SLC24A2: variants seen among roughly 807,000 people sequenced by gnomAD.
SLC24A2 encodes solute carrier family 24 member 2.
A neutral mutation model predicts 62.0 loss-of-function variants in SLC24A2; 36 were observed. The observed-to-expected ratio is 0.58, with a 90% CI of 0.44 to 0.77. The LOEUF (loss-of-function observed/expected upper bound fraction) is 0.77, where lower values mean the gene tolerates loss of function less well. Ranked by LOEUF, SLC24A2 falls within the 30% of genes least tolerant of loss-of-function variation. SLC24A2 has a pLI of 0.00. For missense variants in SLC24A2, 846 were observed against 817.9 expected, an observed-to-expected ratio of 1.03 and a Z score of -0.42; for synonymous variants, 358 against 294.0, an observed-to-expected ratio of 1.22 and a Z score of -2.23.
At position 19,595,263 on chromosome 9, in the gene SLC24A2, A is replaced by AGCCTT. The variant is rs780992892; in HGVS notation, c.1129+1961_1129+1965dup. On this transcript the variant is annotated intron_variant, in intron 5 of 10. Coordinates refer to ENST00000341998, the MANE Select transcript of SLC24A2 (RefSeq NM_020344.4). The stretch of plus-strand genomic sequence containing the variant: ...AGCTCTCCCACTTATTTATGGAATC[A>AGCCTT]GCCTTGCCTTTTTGCTTTTTCTTTT... Among the ~76,000 whole-genome samples, 426 of 152,352 alleles carry AGCCTT rather than the reference A, an allele frequency of 2.8e-3. 4 individuals carry two copies. The highest frequency in any genetic ancestry group is 4.5e-3 in the Non-Finnish European group (306 of 68,036).
chr9:20,041,136 G>C, the SLC24A2 span, among the ~76,000 whole-genome samples: 1 of 152,254 alleles, frequency 6.6e-6, no homozygotes, highest in African/African-American at 2.4e-5. Flanking sequence ...GAAAGAGAGA[G>C]AGTGCGTGTG....
chr9:20,245,823 T>C, the SLC24A2 span, among the ~76,000 whole-genome samples: 1 of 152,208 alleles, frequency 6.6e-6, no homozygotes, highest in Non-Finnish European at 1.5e-5. Flanking sequence ...TTTTACTGTG[T>C]GCTATTATAT....
chr9:20,138,090 C>G, the SLC24A2 span, among the ~76,000 whole-genome samples: 36 of 152,262 alleles, frequency 2.4e-4, no homozygotes, highest in African/African-American at 8.4e-4. Context: ...CCTATCAGAA[C>G]TTAGAAAACC....
At chr9:19,727,133 G>A (rs75491262) in intron 2 of SLC24A2, among the ~76,000 whole-genome samples, 1 of 152,004 alleles carries the variant, frequency 6.6e-6, no homozygotes, top group African/African-American at 2.4e-5. Flanking sequence ...TGTGTCTGTG[G>A]GCTCTACCAT....
chr9:19,653,559 G>C (rs7865418), intron 2 of SLC24A2, among the ~76,000 whole-genome samples: 105,025 of 152,164 alleles, frequency 0.69, 36,457 homozygotes, highest in South Asian at 0.75. Flanking sequence ...CAGGTGAAAA[G>C]TTGATCTACT....
At chr9:20,130,927 C>A in the SLC24A2 span, among the ~76,000 whole-genome samples, 1 of 151,238 alleles carries the variant, frequency 6.6e-6, no homozygotes, top group Admixed American at 6.6e-5. Context: ...CCAGACCCAG[C>A]CTCAGTAACC....
At chr9:19,725,740 G>A (rs1412618971) in intron 2 of SLC24A2, among the ~76,000 whole-genome samples, 1 of 152,130 alleles carries the variant, frequency 6.6e-6, no homozygotes, top group African/African-American at 2.4e-5. Context: ...GGTGAGAATA[G>A]TTTACATGCT....
chr9:19,872,729 T>C, the SLC24A2 span, among the ~76,000 whole-genome samples: 2 of 152,222 alleles, frequency 1.3e-5, no homozygotes, highest in Admixed American at 1.3e-4. Context: ...CCTTGTTGTA[T>C]ATGGCAGCTC....
chr9:20,051,899 A>C, the SLC24A2 span, among the ~76,000 whole-genome samples: 1 of 151,858 alleles, frequency 6.6e-6, no homozygotes, highest in African/African-American at 2.4e-5. Flanking sequence ...GGGCTGGTTT[A>C]GTCTTACTGA....
chr9:20,299,053 A>C, the SLC24A2 span, among the ~76,000 whole-genome samples: 1 of 152,230 alleles, frequency 6.6e-6, no homozygotes, highest in African/African-American at 2.4e-5. Flanking sequence ...TCCCCAAATA[A>C]AGCAGAGAAG....
chr9:20,277,094 G>T, the SLC24A2 span, among the ~76,000 whole-genome samples: 2 of 152,144 alleles, frequency 1.3e-5, no homozygotes, highest in Admixed American at 6.5e-5. Context: ...CCGCCAGCTT[G>T]AATTTCTCCT....
chr9:20,226,239 G>A, the SLC24A2 span, among the ~76,000 whole-genome samples: 3 of 152,020 alleles, frequency 2.0e-5, no homozygotes, highest in Non-Finnish European at 4.4e-5. Flanking sequence ...ATAAGAAAAG[G>A]CTTCCCATTT....
intron 8 of SLC24A2, among the ~76,000 whole-genome samples, chr9:19,534,164 TG>T (rs914480041): frequency 6.6e-6 from 1 of 152,128 alleles, no homozygotes; most frequent in Non-Finnish European, 1.5e-5. Context: ...TAATCAGCTG[TG>T]GGGGGAAAAC....
chr9:20,007,869 T>C, the SLC24A2 span, among the ~76,000 whole-genome samples: 14 of 143,932 alleles, frequency 9.7e-5, no homozygotes, highest in Non-Finnish European at 1.7e-4. Flanking sequence ...TTAATTCTTC[T>C]TACTCCTCTC....
rs780450451 is a variant in SLC24A2 at position 19,756,903 on chromosome 9, C to CTTTTTTTTTTTTTT, written c.930+29020_930+29033dup. ...GATATTCACACTTCTTTTACTGAAG[C>CTTTTTTTTTTTTTT]TTTTTTTTTTTTTTTTTTTTTTTAG... is the stretch of plus-strand genomic sequence containing the variant. On this transcript the variant is annotated intron_variant, in intron 2 of 10. Coordinates refer to ENST00000341998, the MANE Select transcript of SLC24A2 (RefSeq NM_020344.4). 6.4e-5 allele frequency among the ~76,000 whole-genome samples: 5 copies of CTTTTTTTTTTTTTT among 78,522 alleles called. 1 individual carries two copies. Among genetic ancestry groups the CTTTTTTTTTTTTTT allele is most frequent in the East Asian group, 8.9e-4 (2 of 2,250 alleles). The allele number at this position is 78,522 out of a possible 152,430, so 51.5% of individuals were successfully genotyped here.
At chr9:19,768,739 G>A (rs534605582) in intron 2 of SLC24A2, among the ~76,000 whole-genome samples, 1 of 152,174 alleles carries the variant, frequency 6.6e-6, no homozygotes, top group Non-Finnish European at 1.5e-5. Flanking sequence ...TTTTCAGACT[G>A]TGGTTGACTG....
the SLC24A2 span, among the ~76,000 whole-genome samples, chr9:19,848,988 T>G: frequency 6.6e-6 from 1 of 152,180 alleles, no homozygotes; most frequent in Non-Finnish European, 1.5e-5. Flanking sequence ...GATTCTGCAT[T>G]CAAGGGAAGC....
chr9:19,726,277 G>A (rs1012719920), intron 2 of SLC24A2, among the ~76,000 whole-genome samples: 1 of 152,062 alleles, frequency 6.6e-6, no homozygotes, highest in Non-Finnish European at 1.5e-5. Flanking sequence ...CTAATTGCCT[G>A]GAAAGGAATA....
chr9:20,214,988 A>T, the SLC24A2 span, among the ~76,000 whole-genome samples: 1 of 152,222 alleles, frequency 6.6e-6, no homozygotes, highest in Non-Finnish European at 1.5e-5. Context: ...CCTAATGCAT[A>T]TATCTGTACA....
Sources: gnomAD v4.1 joint callset for allele counts (sites outside exome capture counted in the v4.1 genomes callset) on GRCh38, gnomAD v4.1.1 for gene constraint, MANE v1.5 for transcripts, NCBI Gene and HGNC (gene_info 2026-07-23, HGNC 2026-07-21) for gene names.